CC2D2A: variants seen among roughly 807,000 people sequenced by gnomAD.
CC2D2A encodes coiled-coil and C2 domain containing 2A, also known as coiled-coil and C2 domain-containing protein 2A.
A neutral mutation model predicts 212.9 loss-of-function variants in CC2D2A; 155 were observed. The observed-to-expected ratio is 0.73, with a 90% CI of 0.64 to 0.83. CC2D2A has a LOEUF of 0.83. Ranked by LOEUF, CC2D2A falls within the 40% of genes least tolerant of loss-of-function variation. CC2D2A has a pLI of 0.00. For synonymous variants in CC2D2A, 667 were observed against 686.5 expected (o/e 0.97, Z 0.44); for missense variants, 1,856 against 1,956.2 (o/e 0.95, Z 0.97).
chr4:15,596,179 T>C lies in CC2D2A; in HGVS notation c.4409T>C (p.Leu1470Pro). 6.5e-7 allele frequency: 1 copy of C among 1,548,328 alleles called. No homozygotes were observed. Among genetic ancestry groups the C allele is most frequent in the Non-Finnish European group, 8.7e-7 (1 of 1,145,426 alleles). The part of the protein sequence containing the change: ...KLWKSFFSRS[L>P]PYPGLSSVQP... ...TGGAAATCTTTCTTTTCAAGAAGCC[T>C]TCCATATCCTGGCCTTTCCAGTGTT... The change falls in exon 34 of 37, where the codon CTT becomes CCT. Residue 1470 changes from leucine to proline, a missense_variant. Physicochemically the swap from Leu to Pro is moderately conservative, Grantham distance 98 (BLOSUM62 -3). Coordinates refer to ENST00000424120, the MANE Select transcript of CC2D2A (RefSeq NM_001378615.1).
chr4:15,596,207 G>T lies in CC2D2A; in HGVS notation c.4437G>T (p.Gln1479His), dbSNP rs878854168. 3.3e-6 allele frequency: 5 copies of T among 1,509,842 alleles called. No individual in the cohort carries two copies. The highest frequency in any genetic ancestry group is 4.4e-6 in the Non-Finnish European group (5 of 1,129,662). 93.5% of individuals were successfully genotyped at this position (1,509,842 alleles called of 1,614,324 possible). Residue 1479 changes from glutamine to histidine, a missense_variant and splice_region_variant, in exon 34 of 37, where the codon CAG becomes CAT. Coordinates refer to ENST00000424120, the MANE Select transcript of CC2D2A (RefSeq NM_001378615.1). Reference sequence around the variant, plus strand: ...CATATCCTGGCCTTTCCAGTGTTCAGGTATAAATCTTTTATTAACAGTTAA... The same window carrying T: ...CATATCCTGGCCTTTCCAGTGTTCATGTATAAATCTTTTATTAACAGTTAA... ...SLPYPGLSSV[Q>H]PEELIYQRSD... is the part of the protein sequence containing the mutation.
At position 15,502,508 on chromosome 4, in the gene CC2D2A, A is replaced by G; in HGVS notation, c.327A>G (p.Gln109=). The G allele has an allele frequency of 6.2e-7, 1 of 1,604,062 alleles. No individual in the cohort carries two copies. The highest frequency in any genetic ancestry group is 8.5e-7 in the Non-Finnish European group (1 of 1,177,454). The change falls in exon 5 of 37, where the codon CAA becomes CAG. Residue 109 remains glutamine, a synonymous_variant. Coordinates refer to ENST00000424120, the MANE Select transcript of CC2D2A (RefSeq NM_001378615.1). ...SMRGRMREKL[Q]AARSKAESAL... ...GGGGACGCATGAGGGAGAAATTGCA[A>G]GCAGCGAGGGTGAGAGAAACCACAT...
chr4:15,494,091 G>T (rs1308376745), intron 4 of CC2D2A, among the ~76,000 whole-genome samples: 2 of 152,162 alleles, frequency 1.3e-5, no homozygotes, highest in African/African-American at 4.8e-5. Context: ...ATCCTAAGTA[G>T]AAACTCCATG....
rs1318432524 is a variant in CC2D2A at position 15,514,858 on chromosome 4, G to A, written c.869G>A (p.Ser290Asn). 3 of 1,613,550 alleles carry A rather than the reference G, an allele frequency of 1.9e-6. No individual in the cohort carries two copies. Among genetic ancestry groups the A allele is most frequent in the East Asian group, 4.5e-5 (2 of 44,876 alleles). Residue 290 changes from serine (S) to asparagine (N), a missense_variant, in exon 9 of 37, where the codon AGT becomes AAT. Physicochemically the swap from Ser to Asn is conservative, Grantham distance 46. Coordinates refer to ENST00000424120, the MANE Select transcript of CC2D2A (RefSeq NM_001378615.1). Reference sequence around the variant, plus strand: ...GAAAGAGAAATGCTCTTCATACCCAGTAGGCAGACAGGTACTTGCTCTTTT... The same window carrying A: ...GAAAGAGAAATGCTCTTCATACCCAATAGGCAGACAGGTACTTGCTCTTTT... ...QMEREMLFIP[S>N]RQTVPTYKKL...
Position 15,574,205 on chromosome 4 carries a change from A to G in CC2D2A, c.3650A>G (p.Glu1217Gly), listed in dbSNP as rs1193445221. 6.4e-7 allele frequency: 1 copy of G among 1,551,398 alleles called. No homozygotes were observed. The highest frequency in any genetic ancestry group is 8.7e-7 in the Non-Finnish European group (1 of 1,146,842). Residue 1217 changes from glutamate to glycine, a missense_variant, in exon 29 of 37, where the codon GAG (glutamate) becomes GGG (glycine). Coordinates refer to ENST00000424120, the MANE Select transcript of CC2D2A (RefSeq NM_001378615.1). The part of the protein sequence containing the change: ...IPPVLLGYSK[E>G]RNMILERGFD... ...CCAGTTCTTCTGGGCTACAGTAAGG[A>G]GCGAAATATGATTCTTGAGCGGGGT...
intron 4 of CC2D2A, among the ~76,000 whole-genome samples, chr4:15,493,794 C>G (rs529835298): frequency 1.5e-4 from 23 of 152,250 alleles, no homozygotes; most frequent in African/African-American, 5.1e-4. Context: ...AACAGATGCT[C>G]AAAGAATATT....
chr4:15,481,754 G>GACTAACAAT, intron 4 of CC2D2A: 1 of 978,092 alleles, frequency 1.0e-6, no homozygotes, highest in Non-Finnish European at 1.2e-6. Context: ...ATGCAAAATG[G>GACTAACAAT]ACTAACAATA....
At chr4:15,514,929 A>G in intron 9 of CC2D2A, 60 bp downstream of exon 9, 1 of 1,505,818 alleles carries the variant, frequency 6.6e-7, no homozygotes, top group Non-Finnish European at 9.2e-7. Flanking sequence ...TTGTCATGAA[A>G]TATGGCTAGT....
chr4:15,499,352 G>A (rs1167222831), intron 4 of CC2D2A, among the ~76,000 whole-genome samples: 2 of 152,152 alleles, frequency 1.3e-5, no homozygotes, highest in Non-Finnish European at 2.9e-5. Context: ...AAGTAAGCAT[G>A]TTGGGGCTGG....
At chr4:15,575,211 T>C (rs1391283704) in intron 29 of CC2D2A, among the ~76,000 whole-genome samples, 1 of 152,230 alleles carries the variant, frequency 6.6e-6, no homozygotes, top group East Asian at 1.9e-4. Context: ...TCCTTAGCAC[T>C]ATGTCAAACC....
chr4:15,527,754 C>G (rs1044918038), intron 12 of CC2D2A, 98 bp downstream of exon 12: 8 of 849,730 alleles, frequency 9.4e-6, no homozygotes, highest in African/African-American at 1.7e-5. Context: ...TCATGCCCCT[C>G]TTTCACATGT....
At chr4:15,530,266 C>G (rs1717779413) in intron 13 of CC2D2A, among the ~76,000 whole-genome samples, 1 of 152,168 alleles carries the variant, frequency 6.6e-6, no homozygotes, top group Admixed American at 6.5e-5. Context: ...CCACCGCGCC[C>G]GGCCAGAGGC....
rs940437696 is a variant in CC2D2A at position 15,527,609 on chromosome 4, T to C, written c.1312T>C (p.Tyr438His). 3.7e-6 allele frequency: 6 copies of C among 1,612,850 alleles called. No homozygotes were observed. The Admixed American group carries it at 6.7e-5, about 18-fold the overall frequency. The change falls in exon 12 of 37, where the codon TAC becomes CAC. Residue 438 changes from tyrosine to histidine, a missense_variant. Transcript: ENST00000424120. Reference protein sequence around the residue: ...AAKLAQLYDQYLARHQRNKAK... With the variant: ...AAKLAQLYDQHLARHQRNKAK... The stretch of plus-strand genomic sequence containing the variant: ...CAAGCTGGCCCAGTTATATGACCAG[T>C]ACCTTGCAAGACACCAGAGAAACAA...
In CC2D2A at chr4:15,587,892, A is replaced by G; in HGVS notation, c.4142A>G (p.Lys1381Arg). 1 of 1,613,272 alleles carries G rather than the reference A, an allele frequency of 6.2e-7. No homozygotes were observed. Among genetic ancestry groups the G allele is most frequent in the Non-Finnish European group, 8.5e-7 (1 of 1,179,302 alleles). ...TGTAATTACTTTCTGTCTCTGGGTA[A>G]GAAGGCCTGGCTGTTGATGGGCAAT... ...LLCNYFLSLG[K>R]KAWLLMGNAI... is the part of the protein sequence containing the mutation. Residue 1381 changes from lysine (K) to arginine (R), a missense_variant, in exon 32 of 37, where the codon AAG becomes AGG. Transcript: ENST00000424120.
intron 6 of CC2D2A, among the ~76,000 whole-genome samples, chr4:15,504,570 A>G: frequency 6.6e-6 from 1 of 152,164 alleles, no homozygotes; most frequent in East Asian, 1.9e-4. Flanking sequence ...AAAAATAGAT[A>G]TCATTATTCA....
chr4:15,481,444 G>A, intron 4 of CC2D2A: 1 of 328,144 alleles, frequency 3.0e-6, no homozygotes, highest in South Asian at 2.5e-5. Flanking sequence ...CTGGGAGGTG[G>A]AGGTTGCAGT....
rs959195625 is a variant in CC2D2A at position 15,553,166 on chromosome 4, T to G, written c.2347T>G (p.Phe783Val). The G allele has an allele frequency of 1.9e-6, 3 of 1,601,140 alleles. No homozygotes were observed. Among genetic ancestry groups the G allele is most frequent in the Non-Finnish European group, 2.6e-6 (3 of 1,175,286 alleles). ...ATCTGGTGTTTCCCCAGGAGTGCCC[T>G]TCTCATTTGAAGCTGATGGCAGTAA... ...DHEGVGSGVP[F>V]SFEADGSNQL... is the part of the protein sequence containing the mutation. The change falls in exon 19 of 37, where the codon TTC becomes GTC. Residue 783 changes from phenylalanine to valine, a missense_variant. Around this residue, in one of 5 missense-constraint regions of CC2D2A, gnomAD observed 1,512 missense variants for 1,579.3 expected, o/e 0.96. Transcript: ENST00000424120.
At chr4:15,485,969 G>T (rs1714977364) in intron 4 of CC2D2A, among the ~76,000 whole-genome samples, 1 of 151,940 alleles carries the variant, frequency 6.6e-6, no homozygotes, top group African/African-American at 2.4e-5. Flanking sequence ...TTACTTTATT[G>T]ATTTTATATA....
intron 1 of CC2D2A, 141 bp downstream of exon 1, chr4:15,470,198 T>C (rs1279373579): frequency 2.6e-5 from 4 of 152,208 alleles, no homozygotes; most frequent in Admixed American, 6.5e-5. Context: ...TCGTTATTTA[T>C]GTTTTTACTT....
Sources: allele counts gnomAD v4.1 joint callset (sites outside exome capture counted in the v4.1 genomes callset), GRCh38; gene constraint gnomAD v4.1.1; regional missense constraint gnomAD v4.1.1; transcripts MANE v1.5; gene names NCBI Gene and HGNC (gene_info 2026-07-23, HGNC 2026-07-21).